Variants in C6 observed in about 807,000 individuals in gnomAD.
The protein encoded by C6 is complement C6, also known as complement component C6.
C6 carries 101 observed loss-of-function variants against 112.9 expected under a neutral mutation model. That is an observed-to-expected ratio of 0.89 (90% CI 0.76 to 1.06). The LOEUF (loss-of-function observed/expected upper bound fraction) is 1.06, where lower values mean the gene tolerates loss of function less well. Ranked by LOEUF, C6 falls within the 50% of genes least tolerant of loss-of-function variation. The pLI, the probability that C6 is intolerant of heterozygous loss-of-function variation, is 0.00. For synonymous variants in C6, 431 were observed against 384.1 expected, an observed-to-expected ratio of 1.12 and a Z score of -1.43; for missense variants, 1,202 against 1,104.6, an observed-to-expected ratio of 1.09 and a Z score of -1.25.
rs1752066653 is a variant in C6, at chr5:41,213,443, G to A, written c.-88C>T. The A allele has an allele frequency of 1.0e-6, 1 of 985,250 alleles. No individual in the cohort carries two copies. Among genetic ancestry groups the A allele is most frequent in the African/African-American group, 1.7e-5 (1 of 57,238 alleles). The allele number at this position is 985,250 out of a possible 1,614,324, so 61.0% of individuals were successfully genotyped here. On this transcript the variant is annotated 5_prime_UTR_variant, in exon 1 of 18. Coordinates refer to ENST00000337836, the MANE Select transcript of C6 (RefSeq NM_000065.5). ...TTATTGGGGAAAAAATAGGTATGCAGAATGAAGAGGGTATATATGTTAATC... is the reference window on the plus strand; with the variant it reads ...TTATTGGGGAAAAAATAGGTATGCAAAATGAAGAGGGTATATATGTTAATC...
chr5:41,245,737 A>AT (rs200436892), intron 1 of C6, among the ~76,000 whole-genome samples: 3,860 of 151,494 alleles, frequency 0.025, 160 homozygotes, highest in African/African-American at 0.088. Flanking sequence ...ACATTGATTG[A>AT]TTTTTTTTTA....
At chr5:41,196,236 T>C (rs1163558191) in intron 4 of C6, among the ~76,000 whole-genome samples, 2 of 151,916 alleles carry the variant, frequency 1.3e-5, no homozygotes, top group Admixed American at 6.6e-5. Flanking sequence ...TAGGAGAAAA[T>C]TAACAAGAGG....
chr5:41,217,829 C>A (rs1407992493), upstream of C6, among the ~76,000 whole-genome samples: 4 of 151,992 alleles, frequency 2.6e-5, no homozygotes, highest in African/African-American at 7.2e-5. Flanking sequence ...AAAAAAAAAG[C>A]CTATTGAAGT....
At chr5:41,250,432 T>C (rs1741280278) in intron 1 of C6, among the ~76,000 whole-genome samples, 1 of 152,174 alleles carries the variant, frequency 6.6e-6, no homozygotes, top group Non-Finnish European at 1.5e-5. Context: ...AAACTTAATT[T>C]GTACCCAGTT....
At chr5:41,170,810 G>A (rs953511197) in intron 9 of C6, among the ~76,000 whole-genome samples, 1 of 152,116 alleles carries the variant, frequency 6.6e-6, no homozygotes. Flanking sequence ...TTTATTCTAA[G>A]TAGTCAAGCA....
intron 1 of C6, among the ~76,000 whole-genome samples, chr5:41,232,323 C>A (rs1055786558): frequency 6.6e-6 from 1 of 152,078 alleles, no homozygotes; most frequent in African/African-American, 2.4e-5. Flanking sequence ...TAGTGGAAAG[C>A]TCTGATCTGC....
At chr5:41,233,241 T>A (rs1740020039) in intron 1 of C6, among the ~76,000 whole-genome samples, 1 of 152,148 alleles carries the variant, frequency 6.6e-6, no homozygotes, top group Non-Finnish European at 1.5e-5. Context: ...CTGCTCTAAC[T>A]ACTCATTCTG....
intron 1 of C6, among the ~76,000 whole-genome samples, chr5:41,232,486 A>T (rs1031980313): frequency 2.6e-5 from 4 of 151,984 alleles, no homozygotes; most frequent in Non-Finnish European, 4.4e-5. Context: ...TTCTCTTTTT[A>T]ATTTTAGCTT....
At chr5:41,145,512 C>T (rs755396538) in intron 17 of C6, among the ~76,000 whole-genome samples, 3 of 152,076 alleles carry the variant, frequency 2.0e-5, no homozygotes, top group Non-Finnish European at 4.4e-5. Flanking sequence ...CCTGAGTCAG[C>T]GTGAGTATTA....
intron 6 of C6, 49 bp downstream of exon 6, chr5:41,186,021 T>C: frequency 6.2e-7 from 1 of 1,611,500 alleles, no homozygotes; most frequent in Non-Finnish European, 8.5e-7. Context: ...GAAATTTAGC[T>C]TATAATCACT....
Position 41,161,822 on chromosome 5 carries a change from C to T in C6, c.1329G>A (p.Leu443=), listed in dbSNP as rs1238932868. Residue 443 remains leucine, a synonymous_variant, in exon 10 of 18, where the codon CTG becomes CTA. Transcript: ENST00000337836. The stretch of plus-strand genomic sequence containing the variant: ...CATATTCACTCCTTCCACCTCGAAT[C>T]AGGGATATGGATTTCTCTGCTCCCT... The part of the protein sequence containing the change: ...FIQGAEKSIS[L]IRGGRSEYGA... The T allele has an allele frequency of 1.2e-6, 2 of 1,613,680 alleles. No individual in the cohort carries two copies. Among genetic ancestry groups the T allele is most frequent in the Admixed American group, 3.3e-5 (2 of 59,970 alleles).
chr5:41,238,525 G>A (rs2921180), intron 1 of C6, among the ~76,000 whole-genome samples: 107,373 of 152,052 alleles, frequency 0.71, 38,027 homozygotes, highest in African/African-American at 0.74. Context: ...CACCAGAAGC[G>A]AAAGTAATAA....
intron 1 of C6, among the ~76,000 whole-genome samples, chr5:41,229,124 G>C (rs1006565608): frequency 6.6e-6 from 1 of 152,028 alleles, no homozygotes; most frequent in Non-Finnish European, 1.5e-5. Context: ...AAAAGAAAAA[G>C]AAAATCAACT....
intron 1 of C6, among the ~76,000 whole-genome samples, chr5:41,257,274 T>G (rs1364225622): frequency 6.6e-6 from 1 of 152,136 alleles, no homozygotes. Context: ...ACATGTAGTA[T>G]TTGGTTTTCT....
chr5:41,203,416 T>A (rs1251314703), intron 1 of C6, among the ~76,000 whole-genome samples, 166 bp from the exon 2 acceptor site: 2 of 152,134 alleles, frequency 1.3e-5, no homozygotes, highest in Admixed American at 1.3e-4. Context: ...TGAGTACAAA[T>A]CCTATTTTTA....
At chr5:41,190,213 GT>G (rs1170739654) in intron 5 of C6, among the ~76,000 whole-genome samples, 1 of 152,064 alleles carries the variant, frequency 6.6e-6, no homozygotes, top group Non-Finnish European at 1.5e-5. Context: ...AGCTACATTA[GT>G]TTACATTCTC....
intron 7 of C6, among the ~76,000 whole-genome samples, chr5:41,178,620 C>CGCACACTG (rs1749065644): frequency 6.6e-6 from 1 of 150,774 alleles, no homozygotes; most frequent in Non-Finnish European, 1.5e-5. Context: ...GGACCACAAG[C>CGCACACTG]CCCCGCCACC....
upstream of C6, among the ~76,000 whole-genome samples, chr5:41,218,261 C>T (rs547468964): frequency 6.6e-6 from 1 of 152,230 alleles, no homozygotes; most frequent in Non-Finnish European, 1.5e-5. Flanking sequence ...TATGCAGTCA[C>T]GTATTCTCTT....
chr5:41,187,486 A>G (rs1406727930), intron 5 of C6, among the ~76,000 whole-genome samples: 3 of 152,276 alleles, frequency 2.0e-5, no homozygotes, highest in South Asian at 2.1e-4. Flanking sequence ...TTTGCGATCT[A>G]TTAGACATTT....
Sources: gnomAD v4.1 joint callset for allele counts (sites outside exome capture counted in the v4.1 genomes callset) on GRCh38, gnomAD v4.1.1 for gene constraint, MANE v1.5 for transcripts, NCBI Gene and HGNC (gene_info 2026-07-23, HGNC 2026-07-21) for gene names.